Variants in CPA6 observed in about 807,000 individuals in gnomAD.
CPA6 encodes the protein carboxypeptidase B.
A neutral mutation model predicts 63.3 loss-of-function variants in CPA6; 58 were observed. The observed-to-expected ratio is 0.92, with a 90% CI of 0.74 to 1.14. The LOEUF (loss-of-function observed/expected upper bound fraction) is 1.14. Ranked by LOEUF, CPA6 falls within the 50% of genes most tolerant of loss-of-function variation. The probability of loss-of-function intolerance (pLI) is 0.00; values close to 1 mark genes in which losing one functional copy is unlikely to be tolerated. For synonymous variants in CPA6, 185 were observed against 179.0 expected (o/e 1.03, Z -0.27); for missense variants, 565 against 526.6 (o/e 1.07, Z -0.71).
At chr8:67,460,109 G>A (rs896411169) in intron 8 of CPA6, among the ~76,000 whole-genome samples, 1 of 152,100 alleles carries the variant, frequency 6.6e-6, no homozygotes, top group Non-Finnish European at 1.5e-5. Context: ...TCTATTTCTT[G>A]GCTTTTATTA....
chr8:67,518,099 T>C, intron 2 of CPA6, 52 bp from the exon 3 acceptor site: 1 of 1,480,714 alleles, frequency 6.8e-7, no homozygotes, highest in Non-Finnish European at 9.0e-7. Flanking sequence ...GGGGGGAAAA[T>C]CTGTGTCACA....
chr8:67,614,141 A>C (rs2128985516), intron 2 of CPA6, among the ~76,000 whole-genome samples: 1 of 152,320 alleles, frequency 6.6e-6, no homozygotes, highest in African/African-American at 2.4e-5. Flanking sequence ...GGGACCATTG[A>C]GCTGCAGATG....
At position 67,681,200 on chromosome 8, in the gene CPA6, C is replaced by CTTTTTTTTTTTTTTT; in HGVS notation, c.117-56964_117-56950dup. Among the ~76,000 whole-genome samples the CTTTTTTTTTTTTTTT allele has an allele frequency of 6.0e-4, 54 of 89,880 alleles. 9 individuals carry two copies. The highest frequency in any genetic ancestry group is 1.8e-3 in the African/African-American group (30 of 16,234). The allele number at this position is 89,880 out of a possible 152,430, so 59.0% of individuals were successfully genotyped here. On this transcript the variant is annotated intron_variant, in intron 1 of 10. Coordinates refer to ENST00000297770, the MANE Select transcript of CPA6 (RefSeq NM_020361.5). ...CTCAACCCAAGGTCACAAAGATTTTCTTTTTTTTTTTTTTTTTTTTGAGAC... is the reference window on the plus strand; with the variant it reads ...CTCAACCCAAGGTCACAAAGATTTTCTTTTTTTTTTTTTTTTTTTTTTTTTTTTTTTTTTTGAGAC...
intron 1 of CPA6, among the ~76,000 whole-genome samples, chr8:67,722,361 A>G (rs1367003863): frequency 6.6e-6 from 1 of 152,228 alleles, no homozygotes; most frequent in African/African-American, 2.4e-5. Flanking sequence ...ACTCCAATTC[A>G]GTACATCTGG....
intron 1 of CPA6, among the ~76,000 whole-genome samples, chr8:67,740,584 T>C (rs530317932): frequency 2.0e-5 from 3 of 152,184 alleles, no homozygotes; most frequent in Non-Finnish European, 4.4e-5. Context: ...TTATTTATTT[T>C]CTTGAGACTG....
chr8:67,704,317 T>A (rs148886205), intron 1 of CPA6, among the ~76,000 whole-genome samples: 3 of 152,158 alleles, frequency 2.0e-5, no homozygotes, highest in Non-Finnish European at 2.9e-5. Context: ...AAGGTCATAT[T>A]TGAAGGGAGG....
At chr8:67,431,485 C>A (rs1810026236) in intron 9 of CPA6, among the ~76,000 whole-genome samples, 1 of 152,122 alleles carries the variant, frequency 6.6e-6, no homozygotes, top group Non-Finnish European at 1.5e-5. Context: ...AGCTTGGCCT[C>A]CCAAAGTGCT....
intron 2 of CPA6, among the ~76,000 whole-genome samples, chr8:67,548,159 T>TCCTTTCCTTCCTTCCTTTCCTTC (rs1488502854): frequency 8.9e-6 from 1 of 112,510 alleles, no homozygotes; most frequent in South Asian, 3.4e-4. Context: ...CTCTCATCCT[T>TCCTTTCCTTCCTTCCTTTCCTTC]CCTTTCCTTC....
At chr8:67,475,867 CT>C (rs755060807) in intron 8 of CPA6, among the ~76,000 whole-genome samples, 69 of 83,282 alleles carry the variant, frequency 8.3e-4, no homozygotes, top group East Asian at 2.1e-3. Context: ...TTCTTTCTTT[CT>C]TTCTTTCTTT....
chr8:67,475,239 A>G (rs1179236548), intron 8 of CPA6, among the ~76,000 whole-genome samples: 1 of 152,240 alleles, frequency 6.6e-6, no homozygotes. Flanking sequence ...GTTCCGGAGA[A>G]TCAAGTGCAG....
chr8:67,475,879 C>CTCCT (rs1554666569), intron 8 of CPA6, among the ~76,000 whole-genome samples: 1 of 45,104 alleles, frequency 2.2e-5, no homozygotes, highest in Non-Finnish European at 4.2e-5. Flanking sequence ...TTCTTTCTTT[C>CTCCT]TCCTTTCTTT....
intron 1 of CPA6, among the ~76,000 whole-genome samples, chr8:67,706,335 A>G (rs183906701): frequency 1.9e-4 from 29 of 152,330 alleles, no homozygotes; most frequent in African/African-American, 7.0e-4. Flanking sequence ...CTCTAAATCT[A>G]GGACATAATC....
intron 2 of CPA6, among the ~76,000 whole-genome samples, chr8:67,615,320 C>T (rs550945455): frequency 8.5e-5 from 13 of 152,166 alleles, no homozygotes; most frequent in Non-Finnish European, 1.3e-4. Flanking sequence ...TGATAGAAAA[C>T]CTCTCAGTCA....
At chr8:67,708,268 G>A (rs571177799) in intron 1 of CPA6, among the ~76,000 whole-genome samples, 1 of 152,226 alleles carries the variant, frequency 6.6e-6, no homozygotes, top group African/African-American at 2.4e-5. Flanking sequence ...ATCAGGCGAA[G>A]GTTCATAAGG....
chr8:67,436,796 T>A (rs1386922079), intron 8 of CPA6, among the ~76,000 whole-genome samples: 9 of 152,234 alleles, frequency 5.9e-5, no homozygotes, highest in Non-Finnish European at 1.5e-5. Flanking sequence ...AATTAGATTT[T>A]CCATAGTTAT....
intron 2 of CPA6, among the ~76,000 whole-genome samples, chr8:67,564,925 T>TA (rs1430655090): frequency 1.3e-5 from 2 of 152,176 alleles, no homozygotes; most frequent in African/African-American, 2.4e-5. Context: ...AGGATTTTCA[T>TA]AGGATTATTT....
chr8:67,582,292 AC>A (rs1813795780), intron 2 of CPA6, among the ~76,000 whole-genome samples: 1 of 152,186 alleles, frequency 6.6e-6, no homozygotes, highest in Non-Finnish European at 1.5e-5. Context: ...TTATTGTTGC[AC>A]CTCAGAATGA....
intron 1 of CPA6, among the ~76,000 whole-genome samples, chr8:67,686,368 C>T (rs1313400063): frequency 6.6e-6 from 1 of 152,216 alleles, no homozygotes. Flanking sequence ...TGTTGCCCAT[C>T]TGTCAGTAAA....
chr8:67,607,166 T>TTCC (rs1814668915), intron 2 of CPA6, among the ~76,000 whole-genome samples: 1 of 62,682 alleles, frequency 1.6e-5, no homozygotes, highest in African/African-American at 7.4e-5. Flanking sequence ...CTTCTTCTTC[T>TTCC]TCCTCTTCTT....
Sources: gnomAD v4.1 joint callset for allele counts (sites outside exome capture counted in the v4.1 genomes callset) on GRCh38, gnomAD v4.1.1 for gene constraint, MANE v1.5 for transcripts, NCBI Gene and HGNC (gene_info 2026-07-23, HGNC 2026-07-21) for gene names.